The following DHRSX variants were observed in gnomAD, a reference collection of about 807,000 sequenced individuals.
DHRSX encodes the protein polyprenol dehydrogenase.
Under a neutral mutation model 34.0 loss-of-function variants are expected in DHRSX, and 31 were observed. The observed-to-expected ratio is 0.91, with a 90% confidence interval of 0.69 to 1.23. The LOEUF (loss-of-function observed/expected upper bound fraction) is 1.23. Ranked by LOEUF, DHRSX falls within the 50% of genes most tolerant of loss-of-function variation. The pLI, the probability that DHRSX is intolerant of heterozygous loss-of-function variation, is 0.00. For synonymous variants in DHRSX, 201 were observed against 183.8 expected (o/e 1.09, Z -0.76); for missense variants, 414 against 428.1 (o/e 0.97, Z 0.29).
intron 3 of DHRSX, among the ~76,000 whole-genome samples, chrX:2,351,723 T>C (rs1182414818): frequency 6.6e-6 from 1 of 151,758 alleles, no homozygotes; most frequent in Non-Finnish European, 1.5e-5. Flanking sequence ...TGGGTGAGAC[T>C]ACCAGACTGA....
chrX:2,489,871 G>A (rs371928664), intron 1 of DHRSX: 37 of 1,613,702 alleles, frequency 2.3e-5, no homozygotes, highest in Admixed American at 5.0e-5. Context: ...GCACTGCGAC[G>A]TCCAGCAGGG....
At chrX:2,297,849 A>G (rs112117565) in intron 3 of DHRSX, among the ~76,000 whole-genome samples, 12,518 of 151,162 alleles carry the variant, frequency 0.083, 1,720 homozygotes, top group African/African-American at 0.29. Flanking sequence ...CCACTTCCCG[A>G]GTTCAAGTGA....
At chrX:2,231,363 G>A (rs1011883513) in intron 6 of DHRSX, among the ~76,000 whole-genome samples, 9 of 151,834 alleles carry the variant, frequency 5.9e-5, no homozygotes, top group African/African-American at 1.2e-4. Context: ...CTGAGCCTGA[G>A]AGAACCTCCC....
At chrX:2,425,394 C>G in intron 1 of DHRSX, 90 bp from the exon 2 acceptor site, 1 of 1,101,012 alleles carries the variant, frequency 9.1e-7, no homozygotes, top group South Asian at 1.3e-5. Context: ...GGCAAGATGC[C>G]AAAGGGAGTT....
chrX:2,393,454 A>C, intron 3 of DHRSX, among the ~76,000 whole-genome samples: 1 of 149,740 alleles, frequency 6.7e-6, no homozygotes, highest in East Asian at 2.0e-4. Flanking sequence ...CTGTGCACAC[A>C]CATGACACAC....
intron 6 of DHRSX, among the ~76,000 whole-genome samples, chrX:2,234,566 G>A (rs1187494664): frequency 6.6e-6 from 1 of 152,252 alleles, no homozygotes; most frequent in Non-Finnish European, 1.5e-5. Flanking sequence ...CTAAGTGTCT[G>A]TCAGCAGAGG....
At chrX:2,284,729 C>T (rs2041784124) in intron 4 of DHRSX, among the ~76,000 whole-genome samples, 1 of 152,148 alleles carries the variant, frequency 6.6e-6, no homozygotes, top group Non-Finnish European at 1.5e-5. Context: ...TAAATACCGG[C>T]TCTGCAGGAG....
At chrX:2,324,951 T>G (rs905003994) in intron 3 of DHRSX, among the ~76,000 whole-genome samples, 9 of 150,250 alleles carry the variant, frequency 6.0e-5, no homozygotes, top group East Asian at 5.9e-4. Context: ...GTTTTGTTTT[T>G]TTTTTTTTTA....
chrX:2,491,255 A>C lies in DHRSX; in HGVS notation c.109+9562T>G, dbSNP rs779939932. Among the ~76,000 whole-genome samples the C allele has an allele frequency of 1.4e-4, 21 of 152,080 alleles. 1 individual carries two copies. Among genetic ancestry groups the C allele is most frequent in the African/African-American group, 5.1e-4 (21 of 41,506 alleles). ...TGGCTAATTTTTGTATTTTTAGTAG[A>C]GACAGGGTTTCACCATGTTGGTCAG... On this transcript the variant is annotated intron_variant, in intron 1 of 6. Transcript: ENST00000334651.
chrX:2,433,435 G>A (rs1247673584), intron 1 of DHRSX, among the ~76,000 whole-genome samples: 1 of 139,898 alleles, frequency 7.1e-6, no homozygotes, highest in South Asian at 2.4e-4. Flanking sequence ...TGTGTAGAAC[G>A]CGCAGGTTTG....
At chrX:2,462,196 A>T (rs961936546) in intron 1 of DHRSX, among the ~76,000 whole-genome samples, 1 of 151,992 alleles carries the variant, frequency 6.6e-6, no homozygotes, top group Non-Finnish European at 1.5e-5. Flanking sequence ...AAAAAAAAAA[A>T]AAAGAAAAAA....
intron 3 of DHRSX, among the ~76,000 whole-genome samples, chrX:2,353,052 G>A (rs1480606936): frequency 6.6e-6 from 1 of 152,008 alleles, no homozygotes; most frequent in Non-Finnish European, 1.5e-5. Context: ...GACCAGCCTG[G>A]GACAAATGGC....
chrX:2,346,119 T>G (rs1468515062), intron 3 of DHRSX, among the ~76,000 whole-genome samples: 1 of 152,152 alleles, frequency 6.6e-6, no homozygotes, highest in African/African-American at 2.4e-5. Flanking sequence ...GTAGACCCGA[T>G]GAATTTCTAC....
intron 1 of DHRSX, among the ~76,000 whole-genome samples, chrX:2,450,228 T>C (rs113390011): frequency 2.0e-3 from 299 of 152,250 alleles, no homozygotes; most frequent in Non-Finnish European, 3.3e-3. Flanking sequence ...GGCCCACTTG[T>C]CAAGAACAGT....
At chrX:2,461,977 A>C (rs1345877497) in intron 1 of DHRSX, among the ~76,000 whole-genome samples, 1 of 152,164 alleles carries the variant, frequency 6.6e-6, no homozygotes, top group Non-Finnish European at 1.5e-5. Flanking sequence ...CATGAGAGCC[A>C]CCGCGGCTGG....
chrX:2,339,847 ATAG>A (rs1256413098), intron 3 of DHRSX, among the ~76,000 whole-genome samples: 1 of 152,012 alleles, frequency 6.6e-6, no homozygotes, highest in Non-Finnish European at 1.5e-5. Context: ...ATGTGTCTTT[ATAG>A]TAGAATGATT....
rs1315266439 is a variant in DHRSX, at chrX:2,500,909, G to T, written c.17C>A (p.Ala6Glu). 9.0e-7 allele frequency: 1 copy of T among 1,112,560 alleles called. No homozygotes were observed. The highest frequency in any genetic ancestry group is 3.5e-5 in the South Asian group (1 of 28,374). 68.9% of individuals were successfully genotyped at this position (1,112,560 alleles called of 1,614,324 possible). MSPLSAARAALRVYAV... is the reference protein window; with the variant it reads MSPLSEARAALRVYAV... ...GTAGACCCGCAGGGCCGCCCGCGCC[G>T]CAGACAATGGCGACATGGCTGCCCC... Residue 6 changes from alanine (A) to glutamate (E), a missense_variant, in exon 1 of 7, where the codon GCG becomes GAG. Transcript: ENST00000334651.
intron 4 of DHRSX, among the ~76,000 whole-genome samples, chrX:2,282,857 G>A (rs1000558028): frequency 7.5e-6 from 1 of 132,460 alleles, no homozygotes; most frequent in African/African-American, 2.9e-5. Context: ...AGAGAAGGGA[G>A]AAGGGGAGAG....
At chrX:2,339,671 A>G (rs376923291) in intron 3 of DHRSX, among the ~76,000 whole-genome samples, 32 of 152,050 alleles carry the variant, frequency 2.1e-4, no homozygotes, top group African/African-American at 7.5e-4. Flanking sequence ...TACTTCACTT[A>G]GAGTAATAGT....
Sources: allele counts gnomAD v4.1 joint callset (sites outside exome capture counted in the v4.1 genomes callset), GRCh38; gene constraint gnomAD v4.1.1; transcripts MANE v1.5; gene names NCBI Gene and HGNC (gene_info 2026-07-23, HGNC 2026-07-21).